The following SLC36A1 variants were observed in gnomAD, a reference collection of about 807,000 sequenced individuals.
SLC36A1 encodes the protein proton-coupled amino acid transporter 1.
In SLC36A1, 30 loss-of-function variants were observed where a neutral mutation model predicts 47.5. That is an observed-to-expected ratio of 0.63 (90% CI 0.47 to 0.86). The LOEUF is 0.86. Ranked by LOEUF, SLC36A1 falls within the 40% of genes least tolerant of loss-of-function variation. The pLI is 0.00. For missense variants in SLC36A1, 517 were observed against 606.0 expected, an observed-to-expected ratio of 0.85 and a Z score of 1.54; for synonymous variants, 255 against 249.7, an observed-to-expected ratio of 1.02 and a Z score of -0.20.
At chr5:151,511,524 A>C in the SLC36A1 span, 4 of 152,828 alleles carry the variant, frequency 2.6e-5, no homozygotes, top group African/African-American at 9.7e-5. Flanking sequence ...ACAAGGAGAC[A>C]TATAGGAGAA....
At chr5:151,518,143 C>A in the SLC36A1 span, among the ~76,000 whole-genome samples, 2 of 152,114 alleles carry the variant, frequency 1.3e-5, no homozygotes, top group South Asian at 2.1e-4. Context: ...CCAGCCTGGG[C>A]AACAGAGCAA....
At chr5:151,531,848 C>T in the SLC36A1 span, 2 of 1,614,034 alleles carry the variant, frequency 1.2e-6, no homozygotes, top group Non-Finnish European at 1.7e-6. The surrounding 1 kb of genome is among the most constrained non-coding windows in gnomAD (Gnocchi z 5.7). Context: ...ACCGTGAGCT[C>T]CAGTGGTGCC....
At chr5:151,543,912 G>T in the SLC36A1 span, 2 of 1,614,144 alleles carry the variant, frequency 1.2e-6, no homozygotes, top group Non-Finnish European at 1.7e-6. Flanking sequence ...TGCTGTCAGG[G>T]TCAATAGCCT....
At chr5:151,531,667 G>T in the SLC36A1 span, 19 of 1,613,696 alleles carry the variant, frequency 1.2e-5, no homozygotes, top group Non-Finnish European at 1.6e-5. This position sits in a 1 kb window ranked among gnomAD's most constrained non-coding sequence, Gnocchi z 5.7. Context: ...GCCCGGGCGA[G>T]TGAGGGTGGC....
In SLC36A1 at chr5:151,477,116, C is replaced by T. The variant is rs1352855331; in HGVS notation, c.989+360C>T. On this transcript the variant is annotated intron_variant, in intron 9 of 10. Transcript: ENST00000243389. ...ATTCCCAGCATCGGTTGTGCCTCTC[C>T]CTTGGTAGTAACAGGCTTGATATGC... is the stretch of plus-strand genomic sequence containing the variant. The T allele has an allele frequency of 1.9e-5, 7 of 370,148 alleles. No individual in the cohort carries two copies. In the East Asian group the frequency reaches 2.8e-4, roughly 15 times the overall value. The allele number at this position is 370,148 out of a possible 1,614,324, so 22.9% of individuals were successfully genotyped here. A position where few individuals can be genotyped will look rare whatever the true frequency, so the allele number is the denominator to read the frequency against.
At chr5:151,516,848 G>A in the SLC36A1 span, among the ~76,000 whole-genome samples, 8 of 152,098 alleles carry the variant, frequency 5.3e-5, no homozygotes, top group Non-Finnish European at 7.4e-5. Flanking sequence ...GTTCATGCCT[G>A]TAATCCTAGC....
chr5:151,517,894 T>C, the SLC36A1 span: 2 of 1,160,242 alleles, frequency 1.7e-6, no homozygotes, highest in Non-Finnish European at 2.4e-6. Context: ...ATGAAGAAAC[T>C]AGGCTGGGTG....
At chr5:151,487,479 T>G (rs955119244) in intron 10 of SLC36A1, among the ~76,000 whole-genome samples, 3 of 152,210 alleles carry the variant, frequency 2.0e-5, no homozygotes, top group African/African-American at 7.2e-5. Context: ...ATCAAAATGC[T>G]CTGTGAAATG....
At chr5:151,532,062 AG>A in the SLC36A1 span, 6 of 1,509,144 alleles carry the variant, frequency 4.0e-6, no homozygotes, top group South Asian at 6.3e-5. Context: ...GGGGCTGGGG[AG>A]GGGCTCCCAT....
chr5:151,546,343 A>G, the SLC36A1 span: 40 of 1,606,148 alleles, frequency 2.5e-5, no homozygotes, highest in Non-Finnish European at 3.2e-5. Flanking sequence ...GTTCCCTGAA[A>G]CAGAAGACAA....
chr5:151,422,453 T>C, the SLC36A1 span, among the ~76,000 whole-genome samples: 1 of 152,222 alleles, frequency 6.6e-6, no homozygotes, highest in Non-Finnish European at 1.5e-5. Flanking sequence ...CAGTGGCTCA[T>C]GCCTGCAATC....
chr5:151,488,400 G>C lies in SLC36A1; in HGVS notation c.*146G>C. 2 of 1,086,716 alleles carry C rather than the reference G, an allele frequency of 1.8e-6. No homozygotes were observed. Among genetic ancestry groups the C allele is most frequent in the Non-Finnish European group, 2.6e-6 (2 of 772,060 alleles). 67.3% of individuals were successfully genotyped at this position (1,086,716 alleles called of 1,614,324 possible). A position where few individuals can be genotyped will look rare whatever the true frequency, so the allele number is the denominator to read the frequency against. On this transcript the variant is annotated 3_prime_UTR_variant, in exon 11 of 11. Transcript: ENST00000243389. ...CTCTGCCTGGCACCTGGATACCCTGGGCCAGGTAACCTGAGGGCAGGGGAG... is the reference window on the plus strand; with the variant it reads ...CTCTGCCTGGCACCTGGATACCCTGCGCCAGGTAACCTGAGGGCAGGGGAG...
chr5:151,487,241 T>G (rs1759687273), intron 10 of SLC36A1, among the ~76,000 whole-genome samples: 1 of 152,200 alleles, frequency 6.6e-6, no homozygotes, highest in Non-Finnish European at 1.5e-5. Flanking sequence ...AGCCTCCTCC[T>G]GCTTACAGCA....
At chr5:151,468,266 A>AATATATATATATATATAT (rs1554113501) in intron 7 of SLC36A1, among the ~76,000 whole-genome samples, 3 of 63,816 alleles carry the variant, frequency 4.7e-5, no homozygotes, top group African/African-American at 2.6e-4. Flanking sequence ...AAAAAAAAAA[A>AATATATATATATATATAT]ATATATATAT....
the SLC36A1 span, chr5:151,506,086 C>G: frequency 7.2e-6 from 11 of 1,518,164 alleles, no homozygotes; most frequent in Non-Finnish European, 9.6e-6. Flanking sequence ...ACCATGGCTC[C>G]GCCAGGGTAC....
intron 8 of SLC36A1, among the ~76,000 whole-genome samples, chr5:151,475,291 A>G (rs1290196031): frequency 6.6e-6 from 1 of 152,182 alleles, no homozygotes; most frequent in Non-Finnish European, 1.5e-5. Context: ...CTTGTGCTAA[A>G]TTTTTAGTAG....
the SLC36A1 span, among the ~76,000 whole-genome samples, chr5:151,392,128 T>C: frequency 6.6e-6 from 1 of 152,180 alleles, no homozygotes; most frequent in African/African-American, 2.4e-5. Context: ...GGTTTAGTAT[T>C]GGGAGGGTGT....
chr5:151,433,455 T>C (rs1463488725), upstream of SLC36A1, among the ~76,000 whole-genome samples: 1 of 148,204 alleles, frequency 6.7e-6, no homozygotes, highest in Non-Finnish European at 1.5e-5. Context: ...AGCTGTTTTT[T>C]TTTGTGTGTG....
At chr5:151,546,156 G>C in the SLC36A1 span, 1 of 1,614,060 alleles carries the variant, frequency 6.2e-7, no homozygotes, top group East Asian at 2.2e-5. Flanking sequence ...AAAAGATGGG[G>C]GCACTCCTAT....
Sources: gnomAD v4.1 joint callset for allele counts (sites outside exome capture counted in the v4.1 genomes callset) on GRCh38, gnomAD v4.1.1 for gene constraint, Gnocchi (gnomAD v3.1) non-coding constraint, MANE v1.5 for transcripts, NCBI Gene and HGNC (gene_info 2026-07-23, HGNC 2026-07-21) for gene names.